The following ADAMTSL1 variants were observed in gnomAD, a reference collection of about 807,000 sequenced individuals.
ADAMTSL1 encodes ADAMTS-like protein 1.
ADAMTSL1 carries 126 observed loss-of-function variants against 201.8 expected under a neutral mutation model. The ratio of observed to expected loss-of-function variants is 0.62; its 90% CI spans 0.54 to 0.72. The LOEUF is 0.72. Ranked by LOEUF, ADAMTSL1 falls within the 30% of genes least tolerant of loss-of-function variation. The pLI, the probability that ADAMTSL1 is intolerant of heterozygous loss-of-function variation, is 0.00. For missense variants in ADAMTSL1, 2,679 were observed against 2,277.8 expected (o/e 1.18, Z -3.59); for synonymous variants, 1,121 against 903.4 (o/e 1.24, Z -4.32).
chr9:17,930,839 G>A (rs1352441448), intron 1 of ADAMTSL1, among the ~76,000 whole-genome samples: 1 of 152,178 alleles, frequency 6.6e-6, no homozygotes, highest in Non-Finnish European at 1.5e-5. Flanking sequence ...TTGCCCTACA[G>A]TAGTGAATCT....
rs778808537 is a variant in ADAMTSL1, at chr9:18,905,881, G to A, written c.4951G>A (p.Ala1651Thr). Residue 1651 changes from alanine (A) to threonine (T), a missense_variant, in exon 27 of 29, where the codon GCT becomes ACT. By Grantham distance (58) the Ala-to-Thr change is moderately conservative (BLOSUM62 0). Coordinates refer to ENST00000380548, the MANE Select transcript of ADAMTSL1 (RefSeq NM_001040272.6). ...CACCTTACCATCAGAGCAGTGCAGT[G>A]CTCTTCCGAGGTAAGAGAAAGCCCT... is the stretch of plus-strand genomic sequence containing the variant. ...GITLPSEQCS[A>T]LPRPVSTQNC... The A allele has an allele frequency of 6.2e-6, 10 of 1,610,192 alleles. No homozygotes were observed. The Admixed American group carries it at 1.0e-4, about 16-fold the overall frequency.
chr9:18,339,082 A>G (rs965484428), intron 2 of ADAMTSL1, among the ~76,000 whole-genome samples: 5 of 152,262 alleles, frequency 3.3e-5, no homozygotes, highest in Admixed American at 1.3e-4. Context: ...TGCAGTGAAC[A>G]TACTCATGCA....
intron 23 of ADAMTSL1, among the ~76,000 whole-genome samples, chr9:18,868,253 A>T (rs1281526816): frequency 1.3e-5 from 2 of 152,152 alleles, no homozygotes; most frequent in East Asian, 3.9e-4. Context: ...CTCTGTTTTA[A>T]GATCCTTGTC....
At chr9:18,768,566 A>G (rs1820497839) in intron 16 of ADAMTSL1, among the ~76,000 whole-genome samples, 1 of 151,440 alleles carries the variant, frequency 6.6e-6, no homozygotes, top group South Asian at 2.1e-4. Flanking sequence ...TGATCCCAGC[A>G]CTAAGAAAAT....
chr9:18,005,152 G>A (rs1182929981), intron 1 of ADAMTSL1, among the ~76,000 whole-genome samples: 1 of 152,060 alleles, frequency 6.6e-6, no homozygotes, highest in East Asian at 1.9e-4. Flanking sequence ...GAATATCATG[G>A]AAAGCTTCTT....
At chr9:17,948,546 C>T (rs2131367667) in intron 1 of ADAMTSL1, among the ~76,000 whole-genome samples, 1 of 152,220 alleles carries the variant, frequency 6.6e-6, no homozygotes, top group Non-Finnish European at 1.5e-5. Flanking sequence ...CAAGTAAAGC[C>T]TCAGTGGAGT....
chr9:18,520,547 C>A (rs1056232415), intron 2 of ADAMTSL1, among the ~76,000 whole-genome samples: 5 of 152,206 alleles, frequency 3.3e-5, no homozygotes, highest in African/African-American at 1.2e-4. Context: ...CCTTCACTCT[C>A]CTCTGATCAG....
At chr9:17,925,779 G>A (rs1204587107) in intron 1 of ADAMTSL1, among the ~76,000 whole-genome samples, 5 of 148,560 alleles carry the variant, frequency 3.4e-5, no homozygotes, top group Non-Finnish European at 3.0e-5. Flanking sequence ...TGGGTGCAGC[G>A]CACCAGCATG....
chr9:18,110,561 G>T lies in ADAMTSL1; in HGVS notation c.88-53301G>T, dbSNP rs1045708617. Among the ~76,000 whole-genome samples, 6 of 152,080 alleles carry T rather than the reference G, an allele frequency of 3.9e-5. No homozygotes were observed. The East Asian group carries it at 1.2e-3, about 29-fold the overall frequency. On this transcript the variant is annotated intron_variant, in intron 1 of 29. Transcript: ENST00000680146. Reference sequence around the variant, plus strand: ...GACATCCTGAGCTTGAGGCTTTGAGGGGTCTTTTTGAGCTAGTGATTCACT... The same window carrying T: ...GACATCCTGAGCTTGAGGCTTTGAGTGGTCTTTTTGAGCTAGTGATTCACT...
chr9:18,789,201 C>A (rs1821883135), intron 19 of ADAMTSL1, among the ~76,000 whole-genome samples: 1 of 152,192 alleles, frequency 6.6e-6, no homozygotes, highest in Non-Finnish European at 1.5e-5. Flanking sequence ...GCGATGTTAA[C>A]AACTGTAACA....
chr9:18,189,950 G>A (rs1227598009), intron 2 of ADAMTSL1, among the ~76,000 whole-genome samples: 1 of 152,190 alleles, frequency 6.6e-6, no homozygotes, highest in Non-Finnish European at 1.5e-5. Flanking sequence ...TTTTAAAAGA[G>A]CCTGTTAAAC....
intron 2 of ADAMTSL1, among the ~76,000 whole-genome samples, chr9:18,450,747 A>G (rs568063306): frequency 5.8e-4 from 88 of 152,320 alleles, no homozygotes; most frequent in African/African-American, 2.0e-3. Context: ...GAAGTGATTC[A>G]TTATTTGACA....
chr9:18,272,415 T>C (rs1454841250), intron 2 of ADAMTSL1, among the ~76,000 whole-genome samples: 1 of 152,242 alleles, frequency 6.6e-6, no homozygotes, highest in Non-Finnish European at 1.5e-5. Context: ...CGTAGAAAGC[T>C]GAAACTGGAT....
chr9:18,661,418 C>A (rs563976010), intron 8 of ADAMTSL1, among the ~76,000 whole-genome samples: 1 of 152,226 alleles, frequency 6.6e-6, no homozygotes, highest in Middle Eastern at 3.4e-3. Flanking sequence ...TGAATTTGGG[C>A]AAAAATAATG....
chr9:18,560,368 G>A (rs764033425), intron 3 of ADAMTSL1, among the ~76,000 whole-genome samples: 7 of 152,106 alleles, frequency 4.6e-5, no homozygotes, highest in East Asian at 1.9e-4. Flanking sequence ...CAACTTGTTC[G>A]TGGTGGATAA....
intron 17 of ADAMTSL1, among the ~76,000 whole-genome samples, chr9:18,772,667 T>C (rs1422514323): frequency 6.6e-6 from 1 of 152,196 alleles, no homozygotes; most frequent in African/African-American, 2.4e-5. Flanking sequence ...ATTTAATATA[T>C]ATTGCATGTA....
At chr9:18,237,565 C>G (rs1441088395) in intron 2 of ADAMTSL1, among the ~76,000 whole-genome samples, 1 of 152,190 alleles carries the variant, frequency 6.6e-6, no homozygotes, top group Non-Finnish European at 1.5e-5. Context: ...CCTAATAAAT[C>G]TACAACGTCC....
chr9:17,994,090 T>C (rs1159075231), intron 1 of ADAMTSL1, among the ~76,000 whole-genome samples: 1 of 142,086 alleles, frequency 7.0e-6, no homozygotes, highest in Admixed American at 7.0e-5. Flanking sequence ...CAGAATCTCA[T>C]TGTGTGTGTG....
intron 1 of ADAMTSL1, among the ~76,000 whole-genome samples, chr9:18,139,046 T>C (rs768603275): frequency 3.5e-4 from 54 of 152,274 alleles, no homozygotes; most frequent in Middle Eastern, 3.4e-3. Context: ...ATTTCATTTC[T>C]CTTGCCTAGA....
Sources: gnomAD v4.1 joint callset for allele counts (sites outside exome capture counted in the v4.1 genomes callset) on GRCh38, gnomAD v4.1.1 for gene constraint, MANE v1.5 for transcripts, NCBI Gene and HGNC (gene_info 2026-07-23, HGNC 2026-07-21) for gene names.